DERA: variants seen among roughly 807,000 people sequenced by gnomAD.
DERA encodes deoxyribose-phosphate aldolase, also known as 2-deoxy-D-ribose 5-phosphate aldolase.
DERA carries 15 observed loss-of-function variants against 41.1 expected under a neutral mutation model. The ratio of observed to expected loss-of-function variants is 0.37; its 90% confidence interval spans 0.24 to 0.56. The LOEUF is 0.56. Ranked by LOEUF, DERA falls within the 20% of genes least tolerant of loss-of-function variation. The pLI, the probability that DERA is intolerant of heterozygous loss-of-function variation, is 0.81. For missense variants in DERA, 396 were observed against 403.4 expected, an observed-to-expected ratio of 0.98 and a Z score of 0.16; for synonymous variants, 139 against 137.4, an observed-to-expected ratio of 1.01 and a Z score of -0.08.
intron 1 of DERA, among the ~76,000 whole-genome samples, chr12:15,923,053 C>T (rs530997321): frequency 3.2e-4 from 39 of 122,430 alleles, no homozygotes; most frequent in African/African-American, 1.0e-3. Flanking sequence ...GACGGAGTCT[C>T]GCTCTGTCGC....
chr12:15,959,899 A>G lies in DERA; in HGVS notation c.348A>G (p.Ala116=), dbSNP rs1380183736. 1 of 1,549,192 alleles carries G rather than the reference A, an allele frequency of 6.5e-7. No individual in the cohort carries two copies. Among genetic ancestry groups the G allele is most frequent in the Admixed American group, 2.0e-5 (1 of 51,222 alleles). ...VCDAVKALKA[A]GCNIPVASVA... The stretch of plus-strand genomic sequence containing the variant: ...ATGCTGTAAAAGCACTCAAGGCTGC[A>G]GGCTGTAATATCCCTGTGGCATCAG... The change falls in exon 4 of 9, where the codon GCA becomes GCG. Residue 116 remains alanine (A), a synonymous_variant. Coordinates refer to ENST00000428559, the MANE Select transcript of DERA (RefSeq NM_015954.4). This position sits in a 1 kb window ranked among gnomAD's most constrained non-coding sequence, Gnocchi z 4.5.
At chr12:15,925,498 TG>T (rs1948275583) in intron 1 of DERA, among the ~76,000 whole-genome samples, 1 of 152,172 alleles carries the variant, frequency 6.6e-6, no homozygotes, top group African/African-American at 2.4e-5. Context: ...AAAAAAAAGA[TG>T]TTTAAAACTT....
rs545026689 is a variant in DERA, at chr12:16,008,604, G to A, written c.638-23938G>A. Among the ~76,000 whole-genome samples the A allele has an allele frequency of 6.6e-6, 1 of 152,352 alleles. No homozygotes were observed. Among genetic ancestry groups the A allele is most frequent in the South Asian group, 2.1e-4 (1 of 4,832 alleles). ...TCCAGGGTCTGTGCTAGGATTGAGTGTGGCCACAGATAGCACGGAACATGA... is the reference window on the plus strand; with the variant it reads ...TCCAGGGTCTGTGCTAGGATTGAGTATGGCCACAGATAGCACGGAACATGA... On this transcript the variant is annotated intron_variant, in intron 6 of 8. Transcript: ENST00000428559. This position sits in a 1 kb window ranked among gnomAD's most constrained non-coding sequence, Gnocchi z 4.8.
At chr12:16,029,011 C>G (rs1228122860) in intron 6 of DERA, among the ~76,000 whole-genome samples, 1 of 152,072 alleles carries the variant, frequency 6.6e-6, no homozygotes. Context: ...TTAATTGTTA[C>G]AAATGTACCA....
At chr12:15,980,855 G>A (rs1227795358) in intron 5 of DERA, among the ~76,000 whole-genome samples, 1 of 152,118 alleles carries the variant, frequency 6.6e-6, no homozygotes. Context: ...TCAAGTTCAT[G>A]TTTTCTGTGA....
chr12:15,960,355 G>C (rs979595994), intron 4 of DERA, among the ~76,000 whole-genome samples: 16 of 150,438 alleles, frequency 1.1e-4, no homozygotes, highest in African/African-American at 3.7e-4. Flanking sequence ...AATGATATGC[G>C]GGCTGGGGAC....
rs1948868871 is a variant in DERA, at chr12:16,000,677, C to G, written c.637+18241C>G. Among the ~76,000 whole-genome samples the G allele has an allele frequency of 6.6e-6, 1 of 152,186 alleles. No individual in the cohort carries two copies. The highest frequency in any genetic ancestry group is 1.5e-5 in the Non-Finnish European group (1 of 68,036). ...TGGAAAGAATTTAGATCATCCATGT[C>G]ACACAAAGCCAGCAAAGGCTGTTTG... is the stretch of plus-strand genomic sequence containing the variant. On this transcript the variant is annotated intron_variant, in intron 6 of 8. Coordinates refer to ENST00000428559, the MANE Select transcript of DERA (RefSeq NM_015954.4). This position sits in a 1 kb window ranked among gnomAD's most constrained non-coding sequence, Gnocchi z 4.8.
rs1339016681 is a variant in DERA at position 15,970,814 on chromosome 12, T to C, written c.508+7867T>C. ...CCAAGTAGATATTTATCCTTTGGTT[T>C]AAATTCAGATTCCATTCCACCAAAG... On this transcript the variant is annotated intron_variant, in intron 5 of 8. Coordinates refer to ENST00000428559, the MANE Select transcript of DERA (RefSeq NM_015954.4). The surrounding 1 kb of genome is among the most constrained non-coding windows in gnomAD (Gnocchi z 4.3). Among the ~76,000 whole-genome samples the C allele has an allele frequency of 6.6e-6, 1 of 152,228 alleles. No individual in the cohort carries two copies. Among genetic ancestry groups the C allele is most frequent in the African/African-American group, 2.4e-5 (1 of 41,454 alleles).
At chr12:16,028,230 T>C (rs551986587) in intron 6 of DERA, among the ~76,000 whole-genome samples, 64 of 152,016 alleles carry the variant, frequency 4.2e-4, no homozygotes, top group Non-Finnish European at 6.5e-4. Flanking sequence ...TCTTCTAGTC[T>C]CAGAAAGTAA....
At position 16,000,044 on chromosome 12, in the gene DERA, A is replaced by T. The variant is rs1336478956; in HGVS notation, c.637+17608A>T. Among the ~76,000 whole-genome samples the T allele has an allele frequency of 2.6e-5, 4 of 152,144 alleles. No individual in the cohort carries two copies. Among genetic ancestry groups the T allele is most frequent in the Admixed American group, 1.3e-4 (2 of 15,260 alleles). ...ATGCAGTGGGTATGGAGCAGAGTAG[A>T]TGCCTGTGGGACATATCGGGGGGCA... On this transcript the variant is annotated intron_variant, in intron 6 of 8. Transcript: ENST00000428559. This position sits in a 1 kb window ranked among gnomAD's most constrained non-coding sequence, Gnocchi z 4.8.
chr12:15,956,573 T>C, intron 1 of DERA: 1 of 366,246 alleles, frequency 2.7e-6, no homozygotes, highest in Non-Finnish European at 5.3e-6. Context: ...CACTCACCAG[T>C]AAGTCTTTGC....
chr12:15,930,562 A>G (rs763181490), intron 1 of DERA, among the ~76,000 whole-genome samples: 6 of 152,204 alleles, frequency 3.9e-5, no homozygotes, highest in African/African-American at 9.6e-5. Flanking sequence ...AAGTGTTCAT[A>G]CACTATTACT....
chr12:15,918,933 A>C lies in DERA; in HGVS notation c.31+7519A>C, dbSNP rs1256598548. Among the ~76,000 whole-genome samples the C allele has an allele frequency of 6.6e-6, 1 of 152,128 alleles. No individual in the cohort carries two copies. The highest frequency in any genetic ancestry group is 1.9e-4 in the East Asian group (1 of 5,198). Reference sequence around the variant, plus strand: ...ACTCAATTTTCAGGTATCTAGTGTAATCTTCTCATTATACTATAATGGCTA... The same window carrying C: ...ACTCAATTTTCAGGTATCTAGTGTACTCTTCTCATTATACTATAATGGCTA... On this transcript the variant is annotated intron_variant, in intron 1 of 8. Coordinates refer to ENST00000428559, the MANE Select transcript of DERA (RefSeq NM_015954.4). The surrounding 1 kb of genome is among the most constrained non-coding windows in gnomAD (Gnocchi z 4.3).
At chr12:16,030,352 C>A (rs2136189175) in intron 6 of DERA, among the ~76,000 whole-genome samples, 1 of 152,228 alleles carries the variant, frequency 6.6e-6, no homozygotes, top group East Asian at 1.9e-4. Context: ...ATTAGAAAAA[C>A]ACATCTTGAT....
At position 15,967,305 on chromosome 12, in the gene DERA, C is replaced by CT. The variant is rs557394688; in HGVS notation, c.508+4359dup. Among the ~76,000 whole-genome samples the CT allele has an allele frequency of 1.6e-4, 25 of 152,150 alleles. No individual in the cohort carries two copies. The South Asian group carries it at 5.0e-3, about 30-fold the overall frequency. ...TTGAATGTGGGAGGATTCCTTGAGC[C>CT]TGGGAGGCAGAGGTTGCAGTGAGCC... is the stretch of plus-strand genomic sequence containing the variant. On this transcript the variant is annotated intron_variant, in intron 5 of 8. Coordinates refer to ENST00000428559, the MANE Select transcript of DERA (RefSeq NM_015954.4). This position sits in a 1 kb window ranked among gnomAD's most constrained non-coding sequence, Gnocchi z 4.9.
At position 15,921,926 on chromosome 12, in the gene DERA, GATA is replaced by G. The variant is rs68021628; in HGVS notation, c.31+10529_31+10531del. ...GGGTGACGAGCAAAACTCCATCTCA[GATA>G]ATAATAATAATAATAAATAATTTTC... On this transcript the variant is annotated intron_variant, in intron 1 of 8. Coordinates refer to ENST00000428559, the MANE Select transcript of DERA (RefSeq NM_015954.4). The surrounding 1 kb of genome is among the most constrained non-coding windows in gnomAD (Gnocchi z 5.3). Among the ~76,000 whole-genome samples the G allele has an allele frequency of 0.79, 119,790 of 151,056 alleles. 48,009 individuals are homozygous for G. Among genetic ancestry groups the G allele is most frequent in the East Asian group, 0.91 (4,675 of 5,120 alleles).
intron 1 of DERA, among the ~76,000 whole-genome samples, chr12:15,933,318 T>A (rs78690842): frequency 6.6e-6 from 1 of 152,318 alleles, no homozygotes. Context: ...TTTCTCCACA[T>A]CCTGTCATTT....
At chr12:15,997,271 G>A (rs889841712) in intron 6 of DERA, among the ~76,000 whole-genome samples, 1 of 152,016 alleles carries the variant, frequency 6.6e-6, no homozygotes, top group Non-Finnish European at 1.5e-5. Flanking sequence ...ATTCTCTTGT[G>A]TTCTCTTTTC....
At chr12:15,933,184 C>T (rs997810084) in intron 1 of DERA, among the ~76,000 whole-genome samples, 10 of 152,168 alleles carry the variant, frequency 6.6e-5, no homozygotes, top group Non-Finnish European at 8.8e-5. Context: ...GATATATACC[C>T]GGTAGTGGGA....
Sources: gnomAD v4.1 joint callset for allele counts (sites outside exome capture counted in the v4.1 genomes callset) on GRCh38, gnomAD v4.1.1 for gene constraint, Gnocchi (gnomAD v3.1) non-coding constraint, MANE v1.5 for transcripts, NCBI Gene and HGNC (gene_info 2026-07-23, HGNC 2026-07-21) for gene names.